Variants in HDAC9 observed in about 807,000 individuals in gnomAD.
The protein encoded by HDAC9 is histone deacetylase 9, also known as MEF-2 interacting transcription repressor (MITR) protein.
Under a neutral mutation model 139.4 loss-of-function variants are expected in HDAC9, and 41 were observed. The observed-to-expected ratio is 0.29, with a 90% CI of 0.23 to 0.38. The LOEUF is 0.38. Among genes scored for constraint, HDAC9 ranks in the 10% least tolerant of loss-of-function variants. The pLI is 1.00. For missense variants in HDAC9, 1,147 were observed against 1,297.0 expected (o/e 0.88, Z 1.78); for synonymous variants, 517 against 476.2 (o/e 1.09, Z -1.12).
chr7:18,975,377 T>C (rs527741223), intron 24 of HDAC9, among the ~76,000 whole-genome samples: 2 of 152,360 alleles, frequency 1.3e-5, no homozygotes, highest in African/African-American at 4.8e-5. Flanking sequence ...ATATTCCAAC[T>C]TCATTTTCTT....
At chr7:18,704,204 G>A (rs1783712985) in intron 12 of HDAC9, among the ~76,000 whole-genome samples, 1 of 152,192 alleles carries the variant, frequency 6.6e-6, no homozygotes. Context: ...GATTTAATTT[G>A]TGACACCCAA....
rs183070050 is a variant in HDAC9 at position 18,283,187 on chromosome 7, G to A, written c.25+120838G>A. Among the ~76,000 whole-genome samples, 227 of 152,222 alleles carry A rather than the reference G, an allele frequency of 1.5e-3. 1 individual carries two copies. Among genetic ancestry groups the A allele is most frequent in the Middle Eastern group, 6.8e-3 (2 of 294 alleles). ...AGGAAGCGTGACTGGGAGGCCTCAG[G>A]AAACTTACAATCATGGTGGAAGGCA... On this transcript the variant is annotated intron_variant, in intron 2 of 12. Coordinates refer to the HDAC9 transcript ENST00000417496.
chr7:18,767,295 G>A (rs1358876971), intron 16 of HDAC9, 140 bp downstream of exon 16: 3 of 487,498 alleles, frequency 6.2e-6, no homozygotes, highest in Non-Finnish European at 1.1e-5. Context: ...AATTTGCAGA[G>A]CTAAGTGCCA....
At chr7:18,672,330 A>T (rs1264510633) in intron 12 of HDAC9, among the ~76,000 whole-genome samples, 1 of 151,894 alleles carries the variant, frequency 6.6e-6, no homozygotes. Context: ...TTATTTGCTT[A>T]TTGGCCATTT....
intron 1 of HDAC9, among the ~76,000 whole-genome samples, chr7:18,398,177 T>C (rs765045733): frequency 1.3e-4 from 20 of 152,196 alleles, no homozygotes; most frequent in Non-Finnish European, 2.5e-4. Flanking sequence ...CCACAACTGC[T>C]TCAAAGGGCT....
At chr7:18,365,952 G>GT (rs552383215) in intron 1 of HDAC9, among the ~76,000 whole-genome samples, 48,582 of 145,062 alleles carry the variant, frequency 0.33, 8,359 homozygotes, top group East Asian at 0.46. Flanking sequence ...GTTTTCAGTT[G>GT]TTTTTTTTTT....
intron 1 of HDAC9, among the ~76,000 whole-genome samples, chr7:18,452,006 T>C (rs948149385): frequency 5.3e-5 from 8 of 152,202 alleles, no homozygotes; most frequent in Admixed American, 2.6e-4. Context: ...CTAAAACAGA[T>C]ACTTCACTAA....
chr7:18,509,593 T>G (rs908891268), intron 2 of HDAC9: 1 of 393,204 alleles, frequency 2.5e-6, no homozygotes, highest in Non-Finnish European at 3.5e-6. Flanking sequence ...TTACCAGGTA[T>G]TTCCTTCTTC....
At chr7:18,861,469 C>T (rs919751057) in intron 21 of HDAC9, among the ~76,000 whole-genome samples, 3 of 152,080 alleles carry the variant, frequency 2.0e-5, no homozygotes, top group African/African-American at 4.8e-5. Context: ...CCTATGCTTG[C>T]GTATAGGATT....
chr7:18,647,663 T>C (rs1378668475), intron 9 of HDAC9, 122 bp from the exon 10 acceptor site: 5 of 739,840 alleles, frequency 6.8e-6, no homozygotes, highest in Admixed American at 3.0e-5. Context: ...TGCTCAGCCA[T>C]TGGGTAAGAT....
At chr7:18,817,212 T>G (rs975726930) in intron 17 of HDAC9, among the ~76,000 whole-genome samples, 1 of 152,018 alleles carries the variant, frequency 6.6e-6, no homozygotes, top group African/African-American at 2.4e-5. Flanking sequence ...TTTTTTGTAT[T>G]TTTTAGTAGA....
chr7:18,835,383 G>C, intron 19 of HDAC9, 84 bp from the exon 20 acceptor site: 2 of 1,380,110 alleles, frequency 1.4e-6, no homozygotes, highest in Non-Finnish European at 2.0e-6. Context: ...GTGGTAGAAA[G>C]ACAGGGAACT....
chr7:18,958,714 C>A (rs552520667), intron 24 of HDAC9, among the ~76,000 whole-genome samples: 1 of 152,216 alleles, frequency 6.6e-6, no homozygotes, highest in East Asian at 1.9e-4. Context: ...CAATGTTTGC[C>A]ACATTTTTCT....
chr7:18,202,944 C>A (rs1204037803), intron 2 of HDAC9, among the ~76,000 whole-genome samples: 1 of 152,166 alleles, frequency 6.6e-6, no homozygotes, highest in Non-Finnish European at 1.5e-5. Flanking sequence ...ATTAAGATAT[C>A]TACCTCGAAA....
intron 1 of HDAC9, among the ~76,000 whole-genome samples, chr7:18,392,399 G>GGATGGATA (rs1481586982): frequency 3.4e-5 from 5 of 146,748 alleles, no homozygotes; most frequent in African/African-American, 1.3e-4. Flanking sequence ...ATAGATAGAT[G>GGATGGATA]GATAGATAGA....
intron 13 of HDAC9, among the ~76,000 whole-genome samples, chr7:18,745,974 A>G (rs1433526354): frequency 6.7e-5 from 9 of 134,008 alleles, no homozygotes; most frequent in Non-Finnish European, 1.2e-4. Flanking sequence ...TCACTGCTGC[A>G]TTGGCGTCCT....
chr7:18,398,850 G>C (rs1288078431), intron 1 of HDAC9, among the ~76,000 whole-genome samples: 1 of 151,968 alleles, frequency 6.6e-6, no homozygotes, highest in Non-Finnish European at 1.5e-5. Flanking sequence ...CTTAACTAGA[G>C]GAACCCAAAT....
At chr7:18,135,534 T>A (rs1344470582) in intron 1 of HDAC9, among the ~76,000 whole-genome samples, 2 of 134,454 alleles carry the variant, frequency 1.5e-5, no homozygotes, top group African/African-American at 5.7e-5. Flanking sequence ...TTCCCACCTA[T>A]GAGTGAGAAT....
At position 18,673,330 on chromosome 7, in the gene HDAC9, C is replaced by T. The variant is rs117379593; in HGVS notation, c.1731+6854C>T. On this transcript the variant is annotated intron_variant, in intron 12 of 25. Transcript: ENST00000686413. The stretch of plus-strand genomic sequence containing the variant: ...CATGTCTTAGCTTTGATCTTCATGC[C>T]TCTGTTGACAGAATTTCTGGAGAAA... Among the ~76,000 whole-genome samples, 236 of 152,100 alleles carry T rather than the reference C, an allele frequency of 1.6e-3. 1 individual carries two copies. The East Asian group carries it at 0.023, about 15-fold the overall frequency.
Sources: gnomAD v4.1 joint callset for allele counts (sites outside exome capture counted in the v4.1 genomes callset) on GRCh38, gnomAD v4.1.1 for gene constraint, MANE v1.5 for transcripts, NCBI Gene and HGNC (gene_info 2026-07-23, HGNC 2026-07-21) for gene names.